Variants in ATP2B1 observed in about 807,000 individuals in gnomAD.
The protein encoded by ATP2B1 is plasma membrane calcium-transporting ATPase 1.
ATP2B1 carries 14 observed loss-of-function variants against 124.2 expected under a neutral mutation model. That is an observed-to-expected ratio of 0.11 (90% confidence interval 0.07 to 0.18). ATP2B1 has a LOEUF of 0.18. Among genes scored for constraint, ATP2B1 ranks in the 10% least tolerant of loss-of-function variants. The probability of loss-of-function intolerance (pLI) is 1.00; values close to 1 mark genes in which losing one functional copy is unlikely to be tolerated. For missense variants in ATP2B1, 763 were observed against 1,466.1 expected, an observed-to-expected ratio of 0.52 and a Z score of 7.83; for synonymous variants, 449 against 492.4, an observed-to-expected ratio of 0.91 and a Z score of 1.17.
At chr12:89,600,047 A>G (rs1875489361) in intron 19 of ATP2B1, among the ~76,000 whole-genome samples, 1 of 152,196 alleles carries the variant, frequency 6.6e-6, no homozygotes, top group South Asian at 2.1e-4. Context: ...TGACTTGCTC[A>G]TGGAGTGACT....
At chr12:89,660,109 A>T (rs1219864716) in intron 1 of ATP2B1, among the ~76,000 whole-genome samples, 1 of 152,150 alleles carries the variant, frequency 6.6e-6, no homozygotes, top group Non-Finnish European at 1.5e-5. Context: ...CAAGACAGAA[A>T]TATATGCTAA....
At chr12:89,708,129 TG>T (rs1892723755) in intron 1 of ATP2B1, among the ~76,000 whole-genome samples, 1 of 151,988 alleles carries the variant, frequency 6.6e-6, no homozygotes, top group African/African-American at 2.4e-5. Flanking sequence ...GCAGTGCGTC[TG>T]GGGGGCCGAG....
At chr12:89,599,424 G>T (rs922484397) in intron 19 of ATP2B1, 125 bp from the exon 20 acceptor site, 2 of 964,594 alleles carry the variant, frequency 2.1e-6, no homozygotes, top group Non-Finnish European at 3.0e-6. Flanking sequence ...GAAGTAATGG[G>T]ATCCTGTTGA....
At chr12:89,599,410 C>T in intron 19 of ATP2B1, 111 bp from the exon 20 acceptor site, 1 of 1,142,292 alleles carries the variant, frequency 8.8e-7, no homozygotes, top group Non-Finnish European at 1.2e-6. Flanking sequence ...CTATCTTTAC[C>T]AATGAAGTAA....
intron 1 of ATP2B1, among the ~76,000 whole-genome samples, chr12:89,693,942 C>T (rs1890828202): frequency 6.6e-6 from 1 of 152,148 alleles, no homozygotes. Context: ...ACACCTCTCT[C>T]CATTCTTCTT....
intron 12 of ATP2B1, among the ~76,000 whole-genome samples, chr12:89,613,190 A>G (rs1459650688): frequency 6.6e-6 from 1 of 152,144 alleles, no homozygotes; most frequent in East Asian, 1.9e-4. Context: ...CATGTTGCCC[A>G]GACTGGTCTT....
At chr12:89,624,825 A>C (rs998259687) in intron 8 of ATP2B1, among the ~76,000 whole-genome samples, 11 of 152,322 alleles carry the variant, frequency 7.2e-5, no homozygotes, top group African/African-American at 2.6e-4. Context: ...CCCATGTTTT[A>C]AAAAAATAAC....
At chr12:89,636,476 A>C (rs1019406759) in intron 3 of ATP2B1, among the ~76,000 whole-genome samples, 5 of 152,214 alleles carry the variant, frequency 3.3e-5, no homozygotes, top group African/African-American at 1.2e-4. Flanking sequence ...CTGGGTTGCT[A>C]TGTGAAGTTA....
rs562334161 is a variant in ATP2B1, at chr12:89,603,634, G to C, written c.2848+78C>G. 4 of 1,447,506 alleles carry C rather than the reference G, an allele frequency of 2.8e-6. No individual in the cohort carries two copies. In the Admixed American group the frequency reaches 7.4e-5, roughly 27 times the overall value. 89.7% of individuals were successfully genotyped at this position (1,447,506 alleles called of 1,614,324 possible). A position where few individuals can be genotyped will look rare whatever the true frequency, so the allele number is the denominator to read the frequency against. On this transcript the variant is annotated intron_variant, in intron 17 of 20. Coordinates refer to ENST00000428670, the MANE Select transcript of ATP2B1 (RefSeq NM_001366521.1). This position sits in a 1 kb window ranked among gnomAD's most constrained non-coding sequence, Gnocchi z 4.3. ...GTAGAATTTAGGCTCTTGAAAATTTGTAACATTATAACATCTTGGATGATT... is the reference window on the plus strand; with the variant it reads ...GTAGAATTTAGGCTCTTGAAAATTTCTAACATTATAACATCTTGGATGATT...
chr12:89,596,065 G>T (rs1874545704), intron 20 of ATP2B1, among the ~76,000 whole-genome samples: 1 of 152,002 alleles, frequency 6.6e-6, no homozygotes, highest in African/African-American at 2.4e-5. Context: ...ATATGTGTCT[G>T]CCTGCCTGTC....
chr12:89,644,534 GA>G (rs747390995), intron 2 of ATP2B1, among the ~76,000 whole-genome samples: 23 of 127,404 alleles, frequency 1.8e-4, no homozygotes, highest in South Asian at 5.0e-4. Flanking sequence ...TTTCTCAGTT[GA>G]AAAAAAAAAA....
intron 3 of ATP2B1, among the ~76,000 whole-genome samples, chr12:89,640,873 G>C (rs1274539235): frequency 6.6e-6 from 1 of 152,158 alleles, no homozygotes; most frequent in African/African-American, 2.4e-5. Flanking sequence ...AGCTTTCTGA[G>C]GCCCTCACCA....
intron 1 of ATP2B1, among the ~76,000 whole-genome samples, chr12:89,676,261 C>A (rs4842672): frequency 6.6e-6 from 1 of 151,976 alleles, no homozygotes; most frequent in Non-Finnish European, 1.5e-5. Context: ...CTTGGATGTA[C>A]AAAATCATGT....
At chr12:89,596,653 T>C (rs1592698586) in intron 20 of ATP2B1, among the ~76,000 whole-genome samples, 1 of 152,134 alleles carries the variant, frequency 6.6e-6, no homozygotes, top group Non-Finnish European at 1.5e-5. Flanking sequence ...AATATACAGA[T>C]AAAGTAGTGT....
intron 3 of ATP2B1, among the ~76,000 whole-genome samples, chr12:89,637,087 T>C (rs1882823499): frequency 6.6e-6 from 1 of 152,206 alleles, no homozygotes; most frequent in African/African-American, 2.4e-5. Flanking sequence ...GCTAACATAT[T>C]ATCCAAGTGA....
intron 1 of ATP2B1, among the ~76,000 whole-genome samples, chr12:89,679,563 T>C (rs1161586752): frequency 2.0e-5 from 3 of 152,102 alleles, no homozygotes; most frequent in East Asian, 1.9e-4. Flanking sequence ...AATAAAACCA[T>C]AGGTAGCCTC....
At chr12:89,693,375 A>T (rs540543515) in intron 1 of ATP2B1, among the ~76,000 whole-genome samples, 1 of 152,338 alleles carries the variant, frequency 6.6e-6, no homozygotes, top group African/African-American at 2.4e-5. Context: ...CTCAGAGTTT[A>T]ACTGGACACA....
At chr12:89,639,981 T>G (rs1185669116) in intron 3 of ATP2B1, among the ~76,000 whole-genome samples, 1 of 152,148 alleles carries the variant, frequency 6.6e-6, no homozygotes, top group African/African-American at 2.4e-5. Context: ...GCTAGACAGG[T>G]GGAAAACTGA....
chr12:89,698,269 G>A lies in ATP2B1; in HGVS notation c.-222+10327C>T, dbSNP rs1040659878. Among the ~76,000 whole-genome samples, 5 of 152,126 alleles carry A rather than the reference G, an allele frequency of 3.3e-5. No individual in the cohort carries two copies. In the East Asian group the frequency reaches 5.8e-4, roughly 18 times the overall value. ...CCAAAATGTCCATCAACAGGCGAAC[G>A]GACAAATTGTGGTGTATCTATACAG... On this transcript the variant is annotated intron_variant, in intron 1 of 20. Transcript: ENST00000428670.
Sources: allele counts gnomAD v4.1 joint callset (sites outside exome capture counted in the v4.1 genomes callset), GRCh38; gene constraint gnomAD v4.1.1; non-coding constraint Gnocchi (gnomAD v3.1); transcripts MANE v1.5; gene names NCBI Gene and HGNC (gene_info 2026-07-23, HGNC 2026-07-21).